CC2D2B: variants seen among roughly 807,000 people sequenced by gnomAD.
CC2D2B encodes coiled-coil and C2 domain containing 2B.
A neutral mutation model predicts 161.2 loss-of-function variants in CC2D2B; 128 were observed. That is an observed-to-expected ratio of 0.79 (90% confidence interval 0.69 to 0.92). The LOEUF (loss-of-function observed/expected upper bound fraction) is 0.92, where lower values mean the gene tolerates loss of function less well. Among genes scored for constraint, CC2D2B ranks in the 40% least tolerant of loss-of-function variants. The pLI is 0.00. For synonymous variants in CC2D2B, 391 were observed against 449.8 expected, an observed-to-expected ratio of 0.87 and a Z score of 1.65; for missense variants, 1,173 against 1,375.1, an observed-to-expected ratio of 0.85 and a Z score of 2.32.
intron 18 of CC2D2B, among the ~76,000 whole-genome samples, chr10:95,983,274 G>A (rs933443538): frequency 6.6e-6 from 1 of 152,178 alleles, no homozygotes; most frequent in African/African-American, 2.4e-5. Context: ...TGCAGAATTG[G>A]TTATAGGTAT....
intron 6 of CC2D2B, among the ~76,000 whole-genome samples, chr10:95,929,143 A>T (rs1302063865): frequency 1.3e-5 from 2 of 152,166 alleles, no homozygotes; most frequent in Non-Finnish European, 2.9e-5. Context: ...CATTTCTCTA[A>T]TGACCAGTGA....
Position 95,933,594 on chromosome 10 carries a change from G to A in CC2D2B, c.337-4397G>A, listed in dbSNP as rs145379122. Among the ~76,000 whole-genome samples the A allele has an allele frequency of 5.0e-3, 759 of 152,240 alleles. 7 individuals carry two copies. The highest frequency in any genetic ancestry group is 0.017 in the African/African-American group (715 of 41,542). ...TGTGGACATCCTTTTTGTTGATGTTGATGCTATTCCTTTCTGTTTGTTAGT... is the reference window on the plus strand; with the variant it reads ...TGTGGACATCCTTTTTGTTGATGTTAATGCTATTCCTTTCTGTTTGTTAGT... On this transcript the variant is annotated intron_variant, in intron 6 of 34. Transcript: ENST00000646931.
At chr10:95,955,302 G>A in intron 10 of CC2D2B, 92 bp from the exon 11 acceptor site, 4 of 395,132 alleles carry the variant, frequency 1.0e-5, no homozygotes, top group Non-Finnish European at 1.3e-5. Context: ...ACATTTGTTC[G>A]GCTGCTGCAC....
intron 15 of CC2D2B, among the ~76,000 whole-genome samples, chr10:95,970,430 C>T (rs969292680): frequency 6.6e-6 from 1 of 152,192 alleles, no homozygotes; most frequent in Non-Finnish European, 1.5e-5. Flanking sequence ...TTTCCTACCT[C>T]TAAGCTTTTG....
chr10:96,003,071 TAAAA>T (rs1358047514), intron 24 of CC2D2B, among the ~76,000 whole-genome samples: 6 of 148,416 alleles, frequency 4.0e-5, no homozygotes, highest in Admixed American at 6.7e-5. Context: ...ATAAAAATAT[TAAAA>T]AGAAGAAAAG....
intron 29 of CC2D2B, among the ~76,000 whole-genome samples, chr10:96,015,085 A>T (rs998354867): frequency 1.6e-4 from 24 of 150,978 alleles, no homozygotes; most frequent in Middle Eastern, 6.8e-3. Flanking sequence ...TTTTTTTTTT[A>T]AATGGAGTCT....
intron 2 of CC2D2B, 59 bp from the exon 3 acceptor site, chr10:95,921,957 T>C (rs11594853): frequency 0.1 from 91,948 of 896,928 alleles, 5,457 homozygotes; most frequent in Middle Eastern, 0.14. Flanking sequence ...ATAATAATAA[T>C]AAAAGATGTT....
rs549548514 is a variant in CC2D2B at position 95,964,018 on chromosome 10, T to A, written c.1251-1878T>A. Reference sequence around the variant, plus strand: ...GAACCCAAACTACAGCACTGGCAAATAACACAGAGAATCCAGATTTCTTAT... The same window carrying A: ...GAACCCAAACTACAGCACTGGCAAAAAACACAGAGAATCCAGATTTCTTAT... On this transcript the variant is annotated intron_variant, in intron 12 of 34. Transcript: ENST00000646931. Among the ~76,000 whole-genome samples the A allele has an allele frequency of 3.3e-5, 5 of 152,268 alleles. No individual in the cohort carries two copies. The South Asian group carries it at 6.2e-4, about 19-fold the overall frequency.
chr10:96,002,231 T>C (rs1356342112), intron 24 of CC2D2B, among the ~76,000 whole-genome samples: 1 of 152,168 alleles, frequency 6.6e-6, no homozygotes, highest in Non-Finnish European at 1.5e-5. Flanking sequence ...CACAACCAAG[T>C]GGATCAGAGG....
At chr10:95,977,968 G>T (rs916702799) in intron 17 of CC2D2B, among the ~76,000 whole-genome samples, 2 of 152,102 alleles carry the variant, frequency 1.3e-5, no homozygotes, top group African/African-American at 4.8e-5. Flanking sequence ...TTCAGTTTGG[G>T]ATGAAGAAAA....
At chr10:95,944,102 G>A (rs1459700568) in intron 9 of CC2D2B, among the ~76,000 whole-genome samples, 1 of 152,060 alleles carries the variant, frequency 6.6e-6, no homozygotes, top group Non-Finnish European at 1.5e-5. Context: ...AGCATTGAAC[G>A]AATGCTTATA....
intron 34 of CC2D2B, among the ~76,000 whole-genome samples, chr10:96,029,241 C>CATATATATATATATATATATATATATAT (rs56195141): frequency 4.5e-5 from 3 of 67,156 alleles, no homozygotes; most frequent in Non-Finnish European, 1.1e-4. Context: ...TTTCATGTAC[C>CATATATATATATATATATATATATATAT]ATATATATAT....
chr10:95,922,135 A>G, intron 3 of CC2D2B, 59 bp downstream of exon 3: 2 of 950,504 alleles, frequency 2.1e-6, no homozygotes, highest in South Asian at 3.4e-5. Context: ...AAAGATGTAA[A>G]TGATTAATCC....
chr10:95,972,324 T>A (rs2077163981), intron 16 of CC2D2B, 108 bp downstream of exon 16: 1 of 759,920 alleles, frequency 1.3e-6, no homozygotes, highest in Non-Finnish European at 1.8e-6. Context: ...TTTACAATAT[T>A]CTTTTTTGTT....
At chr10:95,934,106 T>C (rs920741952) in intron 6 of CC2D2B, among the ~76,000 whole-genome samples, 1 of 152,196 alleles carries the variant, frequency 6.6e-6, no homozygotes, top group Non-Finnish European at 1.5e-5. Context: ...AGAGGCAGTT[T>C]GGCTACAGCA....
chr10:96,029,249 T>C (rs1169771415), intron 34 of CC2D2B, among the ~76,000 whole-genome samples: 2 of 21,650 alleles, frequency 9.2e-5, no homozygotes, highest in African/African-American at 7.3e-4. Flanking sequence ...ACCATATATA[T>C]ATATATATAT....
chr10:95,979,136 G>A (rs1270985465), intron 17 of CC2D2B, among the ~76,000 whole-genome samples: 1 of 149,922 alleles, frequency 6.7e-6, no homozygotes, highest in East Asian at 1.9e-4. Flanking sequence ...AAGAACTTTT[G>A]GGTGATTTTG....
At chr10:96,001,476 C>A (rs1340073279) in intron 24 of CC2D2B, among the ~76,000 whole-genome samples, 1 of 151,984 alleles carries the variant, frequency 6.6e-6, no homozygotes, top group East Asian at 1.9e-4. Context: ...TAATATATAA[C>A]CCCACTAACA....
chr10:95,978,004 T>C (rs2077379308), intron 17 of CC2D2B, among the ~76,000 whole-genome samples: 1 of 152,152 alleles, frequency 6.6e-6, no homozygotes, highest in African/African-American at 2.4e-5. Flanking sequence ...GTAATGATGA[T>C]GGTTATACAG....
Sources: gnomAD v4.1 joint callset for allele counts (sites outside exome capture counted in the v4.1 genomes callset) on GRCh38, gnomAD v4.1.1 for gene constraint, MANE v1.5 for transcripts, NCBI Gene and HGNC (gene_info 2026-07-23, HGNC 2026-07-21) for gene names.